The following LRRIQ1 variants were observed in gnomAD, a reference collection of about 807,000 sequenced individuals.
LRRIQ1 encodes the protein leucine-rich repeat- and IQ domain-containing protein 1.
In LRRIQ1, 210 loss-of-function variants were observed where a neutral mutation model predicts 211.9. The observed-to-expected ratio is 0.99, with a 90% CI of 0.89 to 1.11. The LOEUF (loss-of-function observed/expected upper bound fraction) is 1.11, where lower values mean the gene tolerates loss of function less well. Among genes scored for constraint, LRRIQ1 ranks in the 50% most tolerant of loss-of-function variants. The pLI, the probability that LRRIQ1 is intolerant of heterozygous loss-of-function variation, is 0.00. For synonymous variants in LRRIQ1, 699 were observed against 650.1 expected (o/e 1.08, Z -1.14); for missense variants, 2,136 against 1,939.5 (o/e 1.10, Z -1.90).
intron 11 of LRRIQ1, among the ~76,000 whole-genome samples, chr12:85,097,505 G>A (rs565414198): frequency 2.0e-5 from 3 of 151,408 alleles, no homozygotes; most frequent in African/African-American, 4.9e-5. Flanking sequence ...GAGAACATGC[G>A]GTGTTTGGTT....
chr12:85,250,917 T>G (rs1361856621), intron 1 of LRRIQ1, among the ~76,000 whole-genome samples: 1 of 78,546 alleles, frequency 1.3e-5, no homozygotes, highest in African/African-American at 9.9e-5. Flanking sequence ...TATAATATAT[T>G]TTATATATTA....
At chr12:85,250,558 A>G (rs947031023) in intron 1 of LRRIQ1, among the ~76,000 whole-genome samples, 2 of 150,538 alleles carry the variant, frequency 1.3e-5, no homozygotes, top group Non-Finnish European at 3.0e-5. Flanking sequence ...TGAGCAACAT[A>G]GTGGGATCCT....
chr12:85,082,167 A>T (rs1387894216), intron 11 of LRRIQ1, among the ~76,000 whole-genome samples: 1 of 152,026 alleles, frequency 6.6e-6, no homozygotes, highest in East Asian at 1.9e-4. Flanking sequence ...TTAAATTATA[A>T]TTTGTATTTT....
At chr12:85,197,909 A>G (rs954680636) in intron 24 of LRRIQ1, among the ~76,000 whole-genome samples, 1 of 124,500 alleles carries the variant, frequency 8.0e-6, no homozygotes, top group African/African-American at 3.1e-5. Flanking sequence ...AATAAAATAT[A>G]TAATAAAAAT....
intron 24 of LRRIQ1, among the ~76,000 whole-genome samples, chr12:85,200,174 A>T (rs577210578): frequency 1.4e-4 from 21 of 152,006 alleles, no homozygotes; most frequent in African/African-American, 4.6e-4. Context: ...TGTTGTAGAG[A>T]TCTTTCACCT....
chr12:85,073,542 G>A (rs896085635), intron 11 of LRRIQ1, among the ~76,000 whole-genome samples: 4 of 151,954 alleles, frequency 2.6e-5, no homozygotes, highest in Admixed American at 6.6e-5. Flanking sequence ...TTGAATTCCC[G>A]TTTACTTCAT....
intron 20 of LRRIQ1, 52 bp downstream of exon 20, chr12:85,152,421 G>T (rs774869110): frequency 5.7e-6 from 8 of 1,391,968 alleles, no homozygotes; most frequent in African/African-American, 1.4e-5. Flanking sequence ...ATTTCTTAAG[G>T]TTATGCTATG....
chr12:85,230,875 C>T (rs1423719414), intron 25 of LRRIQ1, among the ~76,000 whole-genome samples: 1 of 151,510 alleles, frequency 6.6e-6, no homozygotes, highest in African/African-American at 2.4e-5. Flanking sequence ...CAGTGAAACC[C>T]CGTCTCTACT....
intron 18 of LRRIQ1, among the ~76,000 whole-genome samples, chr12:85,132,788 A>G (rs1171921336): frequency 2.0e-5 from 3 of 151,794 alleles, no homozygotes; most frequent in African/African-American, 7.2e-5. Flanking sequence ...AATAAATAAA[A>G]TAAAATAGAA....
chr12:85,037,034 C>G (rs528044888), intron 1 of LRRIQ1, among the ~76,000 whole-genome samples: 152 of 152,158 alleles, frequency 1.0e-3, no homozygotes, highest in African/African-American at 3.5e-3. Flanking sequence ...GTAAAACACA[C>G]AACAGATTTC....
At chr12:85,232,318 A>T (rs1415600974) in intron 25 of LRRIQ1, among the ~76,000 whole-genome samples, 1 of 152,108 alleles carries the variant, frequency 6.6e-6, no homozygotes, top group African/African-American at 2.4e-5. Context: ...GAGCTATTTT[A>T]AAAGTAGGAA....
chr12:85,240,587 T>C (rs1895415107), intron 26 of LRRIQ1, among the ~76,000 whole-genome samples: 1 of 152,058 alleles, frequency 6.6e-6, no homozygotes, highest in Non-Finnish European at 1.5e-5. Flanking sequence ...AGCCAAAACT[T>C]AACACAACTC....
chr12:85,078,188 C>G (rs79328723), intron 11 of LRRIQ1, among the ~76,000 whole-genome samples: 17 of 151,950 alleles, frequency 1.1e-4, no homozygotes, highest in Non-Finnish European at 2.1e-4. Flanking sequence ...CTCTCTGAAG[C>G]CTTATTTGGT....
chr12:85,217,678 A>G (rs538058331), intron 24 of LRRIQ1, among the ~76,000 whole-genome samples: 2 of 127,734 alleles, frequency 1.6e-5, no homozygotes, highest in Non-Finnish European at 3.0e-5. Flanking sequence ...ATGTGTATAT[A>G]TGTATATATG....
intron 24 of LRRIQ1, among the ~76,000 whole-genome samples, chr12:85,201,569 G>A (rs1592963531): frequency 6.6e-6 from 1 of 152,008 alleles, no homozygotes; most frequent in African/African-American, 2.4e-5. Context: ...TCTAGTTTGT[G>A]TGAACAGAGG....
At chr12:85,192,057 T>C (rs1391039330) in intron 24 of LRRIQ1, among the ~76,000 whole-genome samples, 1 of 151,800 alleles carries the variant, frequency 6.6e-6, no homozygotes, top group Non-Finnish European at 1.5e-5. Flanking sequence ...AAATTGCGTG[T>C]CACGGGGGGT....
intron 19 of LRRIQ1, among the ~76,000 whole-genome samples, chr12:85,147,084 G>T (rs1889942735): frequency 6.6e-6 from 1 of 151,818 alleles, no homozygotes; most frequent in African/African-American, 2.4e-5. Context: ...TCAGTTCATT[G>T]TTGATTAGCT....
Position 85,056,638 on chromosome 12 carries a change from A to G in LRRIQ1, c.1845A>G (p.Ser615=). Residue 615 remains serine (S), a synonymous_variant, in exon 8 of 27, where the codon TCA becomes TCG. Transcript: ENST00000393217. ...LVISVKQRSL[S]LTSENSKDVR... Reference sequence around the variant, plus strand: ...TTTCAGTGAAACAAAGATCACTCTCACTAACATCAGAAAATTCCAAAGATG... The same window carrying G: ...TTTCAGTGAAACAAAGATCACTCTCGCTAACATCAGAAAATTCCAAAGATG... 6.3e-7 allele frequency: 1 copy of G among 1,598,912 alleles called. No individual in the cohort carries two copies. Among genetic ancestry groups the G allele is most frequent in the Non-Finnish European group, 8.5e-7 (1 of 1,173,918 alleles).
At chr12:85,173,636 C>G (rs1592922478) in intron 24 of LRRIQ1, among the ~76,000 whole-genome samples, 1 of 151,832 alleles carries the variant, frequency 6.6e-6, no homozygotes, top group South Asian at 2.1e-4. Flanking sequence ...CACACACACG[C>G]ACACACACAT....
Sources: allele counts gnomAD v4.1 joint callset (sites outside exome capture counted in the v4.1 genomes callset), GRCh38; gene constraint gnomAD v4.1.1; transcripts MANE v1.5; gene names NCBI Gene and HGNC (gene_info 2026-07-23, HGNC 2026-07-21).